RANGAP1: variants seen among roughly 807,000 people sequenced by gnomAD.
RANGAP1 encodes the protein Ran GTPase activating protein 1.
Under a neutral mutation model 63.5 loss-of-function variants are expected in RANGAP1, and 38 were observed. That is an observed-to-expected ratio of 0.60 (90% CI 0.46 to 0.78). RANGAP1 has a LOEUF of 0.78. RANGAP1 is among the 30% of genes least tolerant of loss of function. The pLI, the probability that RANGAP1 is intolerant of heterozygous loss-of-function variation, is 0.00. For missense variants in RANGAP1, 630 were observed against 740.3 expected (o/e 0.85, Z 1.73); for synonymous variants, 329 against 310.5 (o/e 1.06, Z -0.63).
chr22:41,276,748 C>T (rs1410851177), intron 2 of RANGAP1, among the ~76,000 whole-genome samples: 1 of 151,696 alleles, frequency 6.6e-6, no homozygotes, highest in African/African-American at 2.4e-5. Context: ...GAGGCCAAGG[C>T]GGGCGGATCG....
At chr22:41,253,058 C>T in intron 11 of RANGAP1, 67 bp from the exon 12 acceptor site, 1 of 1,339,748 alleles carries the variant, frequency 7.5e-7, no homozygotes, top group Non-Finnish European at 9.6e-7. Context: ...CAGCTGTGCC[C>T]ATCCCCACAC....
upstream of RANGAP1, among the ~76,000 whole-genome samples, chr22:41,287,726 C>A (rs1000684298): frequency 2.0e-5 from 3 of 151,538 alleles, no homozygotes; most frequent in African/African-American, 4.8e-5. Context: ...GTGGCTCACA[C>A]CTGTAATCCC....
intron 3 of RANGAP1, among the ~76,000 whole-genome samples, chr22:41,269,213 G>A (rs2034653746): frequency 6.6e-6 from 1 of 152,034 alleles, no homozygotes; most frequent in Admixed American, 6.6e-5. Context: ...CACAGTACCT[G>A]CTATTACAGG....
At chr22:41,270,631 A>G (rs752621391) in intron 3 of RANGAP1, among the ~76,000 whole-genome samples, 1 of 152,166 alleles carries the variant, frequency 6.6e-6, no homozygotes, top group Non-Finnish European at 1.5e-5. Flanking sequence ...TATCTTTTGT[A>G]GAGTTGGGAA....
At chr22:41,297,621 G>A in the RANGAP1 span, among the ~76,000 whole-genome samples, 6 of 146,128 alleles carry the variant, frequency 4.1e-5, no homozygotes, top group African/African-American at 1.5e-4. Flanking sequence ...AGGATCCTCC[G>A]CTTTGAGGAT....
intron 5 of RANGAP1, among the ~76,000 whole-genome samples, chr22:41,264,325 T>C (rs1176213891): frequency 6.6e-6 from 1 of 152,202 alleles, no homozygotes; most frequent in African/African-American, 2.4e-5. Flanking sequence ...TCAGACTCCC[T>C]CTGCCTATGT....
chr22:41,275,352 C>T (rs185857541), intron 2 of RANGAP1, among the ~76,000 whole-genome samples: 6 of 151,878 alleles, frequency 4.0e-5, no homozygotes, highest in African/African-American at 7.2e-5. Flanking sequence ...ATTAGCTGGG[C>T]GTGGTGGTGG....
chr22:41,251,713 TA>T (rs2033463751), intron 12 of RANGAP1, among the ~76,000 whole-genome samples: 1 of 151,072 alleles, frequency 6.6e-6, no homozygotes, highest in African/African-American at 2.4e-5. Flanking sequence ...ATGTAGACAA[TA>T]CTCACATGCA....
the RANGAP1 span, among the ~76,000 whole-genome samples, chr22:41,297,750 G>A: frequency 8.7e-5 from 12 of 138,072 alleles, no homozygotes; most frequent in South Asian, 1.9e-3. Context: ...GAGTGCAGTT[G>A]TGTGATCTTG....
chr22:41,252,970 A>G lies in RANGAP1; in HGVS notation c.1282T>C (p.Ser428Pro). 1 of 1,529,034 alleles carries G rather than the reference A, an allele frequency of 6.5e-7. No homozygotes were observed. Among genetic ancestry groups the G allele is most frequent in the East Asian group, 2.6e-5 (1 of 39,012 alleles). 94.7% of individuals were successfully genotyped at this position (1,529,034 alleles called of 1,614,324 possible). A position where few individuals can be genotyped will look rare whatever the true frequency, so the allele number is the denominator to read the frequency against. The change falls in exon 12 of 16, where the codon TCC becomes CCC. Residue 428 changes from serine to proline, a missense_variant. By Grantham distance (74) the Ser-to-Pro change is moderately conservative. This residue lies in a region of RANGAP1 where 428 missense variants were observed against 465.5 expected (regional missense o/e 0.92). Transcript: ENST00000356244. ...NTGEPAPVLSSPPPADVSTFL... is the reference protein window; with the variant it reads ...NTGEPAPVLSPPPPADVSTFL... Reference sequence around the variant, plus strand: ...GTGGAGACGTCTGCAGGAGGTGGGGAGGACAGCACGGGAGCTGGCTCCTGG... The same window carrying G: ...GTGGAGACGTCTGCAGGAGGTGGGGGGGACAGCACGGGAGCTGGCTCCTGG...
chr22:41,247,719 G>A (rs755988280), intron 15 of RANGAP1, among the ~76,000 whole-genome samples: 19 of 152,254 alleles, frequency 1.2e-4, no homozygotes, highest in Admixed American at 1.2e-3. Flanking sequence ...GACTCTGGGG[G>A]ACTGGGCAAG....
At chr22:41,265,759 C>A (rs2034429962) in intron 4 of RANGAP1, among the ~76,000 whole-genome samples, 1 of 152,146 alleles carries the variant, frequency 6.6e-6, no homozygotes. Context: ...TGGGGCTGAG[C>A]AGGTGGTCCA....
intron 3 of RANGAP1, 91 bp from the exon 4 acceptor site, chr22:41,268,247 C>A: frequency 2.8e-6 from 3 of 1,076,086 alleles, no homozygotes; most frequent in Non-Finnish European, 4.1e-6. Flanking sequence ...ACTACCAGAG[C>A]ATCACAAGAC....
At chr22:41,279,142 CA>C (rs1331504697) in intron 2 of RANGAP1, among the ~76,000 whole-genome samples, 2 of 150,802 alleles carry the variant, frequency 1.3e-5, no homozygotes, top group Non-Finnish European at 3.0e-5. Flanking sequence ...GACTCCGTCT[CA>C]AAAAAAATAA....
intron 2 of RANGAP1, among the ~76,000 whole-genome samples, chr22:41,278,717 ATCTATCTCCCACAAGGG>A (rs1274543120): frequency 1.3e-5 from 2 of 152,234 alleles, no homozygotes; most frequent in Non-Finnish European, 1.5e-5. Context: ...CAACATTCCA[ATCTATCTCCCACAAGGG>A]TGACGCAAGC....
chr22:41,295,252 A>G, the RANGAP1 span, among the ~76,000 whole-genome samples: 1 of 151,692 alleles, frequency 6.6e-6, no homozygotes, highest in African/African-American at 2.4e-5. Context: ...TTTGTGGAAT[A>G]GAAAGGGGGG....
chr22:41,269,426 A>C (rs935263589), intron 3 of RANGAP1, among the ~76,000 whole-genome samples: 1 of 152,120 alleles, frequency 6.6e-6, no homozygotes, highest in Non-Finnish European at 1.5e-5. Context: ...ACATTAATCT[A>C]TTATATATTT....
intron 2 of RANGAP1, among the ~76,000 whole-genome samples, chr22:41,276,730 C>G (rs1759265381): frequency 6.6e-6 from 1 of 151,496 alleles, no homozygotes. Flanking sequence ...GTAATCCCAG[C>G]ACTTTGGGAG....
At chr22:41,283,019 T>G (rs2035575576) in intron 1 of RANGAP1, among the ~76,000 whole-genome samples, 1 of 152,092 alleles carries the variant, frequency 6.6e-6, no homozygotes, top group African/African-American at 2.4e-5. Context: ...TAACCCTGGT[T>G]TGTCTGCCTT....
Sources: allele counts gnomAD v4.1 joint callset (sites outside exome capture counted in the v4.1 genomes callset), GRCh38; gene constraint gnomAD v4.1.1; regional missense constraint gnomAD v4.1.1; transcripts MANE v1.5; gene names NCBI Gene and HGNC (gene_info 2026-07-23, HGNC 2026-07-21).